GPR33: variants seen among roughly 807,000 people sequenced by gnomAD.
The protein encoded by GPR33 is G protein-coupled receptor 33, also known as probable G protein-coupled receptor 33.
GPR33 carries 4 observed loss-of-function variants against 3.1 expected under a neutral mutation model. The observed-to-expected ratio is 1.29, with a 90% CI of 0.64 to 2.96. GPR33 has a LOEUF of 2.96. Among genes scored for constraint, GPR33 ranks in the 30% most tolerant of loss-of-function variants. The probability of loss-of-function intolerance (pLI) is 0.01; values close to 1 mark genes in which losing one functional copy is unlikely to be tolerated. For synonymous variants in GPR33, 138 were observed against 142.0 expected (o/e 0.97, Z 0.20); for missense variants, 390 against 388.9 (o/e 1.00, Z -0.02).
intron 1 of GPR33, among the ~76,000 whole-genome samples, chr14:31,485,016 A>G (rs116009228): frequency 1.3e-5 from 2 of 151,868 alleles, no homozygotes; most frequent in Non-Finnish European, 2.9e-5. Flanking sequence ...GCTTACTGCA[A>G]ACTCTGCTTC....
rs1004120202 is a variant in GPR33 at position 31,483,957 on chromosome 14, C to G, written c.9G>C (p.Leu3=). Residue 3 remains leucine, a synonymous_variant, in exon 2 of 2, where the codon CTG becomes CTC. Transcript: ENST00000399285. ...TGATCAGGTAATCAGTAGAGTTGAT[C>G]AGATCCATAATGACCTGTGGAGTGA... MD[L]INSTDYLINA... 5 of 1,533,240 alleles carry G rather than the reference C, an allele frequency of 3.3e-6. No homozygotes were observed. In the Admixed American group the frequency reaches 7.9e-5, roughly 24 times the overall value. The allele number at this position is 1,533,240 out of a possible 1,614,324, so 95.0% of individuals were successfully genotyped here. A position where few individuals can be genotyped will look rare whatever the true frequency, so the allele number is the denominator to read the frequency against.
intron 1 of GPR33, 68 bp from the exon 2 acceptor site, chr14:31,484,039 T>G: frequency 1.5e-6 from 2 of 1,300,254 alleles, no homozygotes; most frequent in Non-Finnish European, 2.0e-6. Context: ...TGTAAAAATT[T>G]AAAGAGTAAT....
At position 31,485,637 on chromosome 14, in the gene GPR33, CAA is replaced by C. The variant is rs34013315; in HGVS notation, c.-6-1668_-6-1667del. On this transcript the variant is annotated intron_variant, in intron 1 of 1. Transcript: ENST00000399285. Reference sequence around the variant, plus strand: ...CTGGTGACAGAGCGAGACTCTGTCTCAAAAAAAAAAAAAAAAAATTCTGTTTT... The same window carrying C: ...CTGGTGACAGAGCGAGACTCTGTCTCAAAAAAAAAAAAAAAATTCTGTTTT... Among the ~76,000 whole-genome samples, 334 of 113,184 alleles carry C rather than the reference CAA, an allele frequency of 3.0e-3. 1 individual carries two copies. The highest frequency in any genetic ancestry group is 0.011 in the East Asian group (40 of 3,734). The allele number at this position is 113,184 out of a possible 152,430, so 74.3% of individuals were successfully genotyped here.
chr14:31,485,358 G>A lies in GPR33; in HGVS notation c.-6-1387C>T, dbSNP rs1290740598. 3.3e-5 allele frequency among the ~76,000 whole-genome samples: 5 copies of A among 151,716 alleles called. No individual in the cohort carries two copies. In the South Asian group the frequency reaches 8.4e-4, roughly 25 times the overall value. On this transcript the variant is annotated intron_variant, in intron 1 of 1. Transcript: ENST00000399285. Reference sequence around the variant, plus strand: ...CTTTCTATAAAAATCATTTCTGGCCGGGCGCGGTGGCTCATGCCTGTAATT... The same window carrying A: ...CTTTCTATAAAAATCATTTCTGGCCAGGCGCGGTGGCTCATGCCTGTAATT...
rs1487702277 is a variant in GPR33, at chr14:31,483,094, T to C, written c.872A>G (p.Asn291Ser). 1 of 1,536,076 alleles carries C rather than the reference T, an allele frequency of 6.5e-7. No individual in the cohort carries two copies. Among genetic ancestry groups the C allele is most frequent in the East Asian group, 2.4e-5 (1 of 40,916 alleles). Residue 291 changes from asparagine (N) to serine (S), a missense_variant, in exon 2 of 2, where the codon AAT becomes AGT. Physicochemically the swap from Asn to Ser is conservative, Grantham distance 46. Transcript: ENST00000399285. ...LILTVLTTSF[N>S]TIFSPTLYLF... ...GTAGAGTGTGGGAGAAAAGATAGTA[T>C]TGAAAGAAGTGGTTAGCACTGTAAG...
In GPR33 at chr14:31,486,346, A is replaced by T. The variant is rs1124860; in HGVS notation, c.-7+1551T>A. Among the ~76,000 whole-genome samples the T allele has an allele frequency of 3.7e-3, 562 of 152,060 alleles. 15 individuals are homozygous for T. The East Asian group carries it at 0.057, about 15-fold the overall frequency. On this transcript the variant is annotated intron_variant, in intron 1 of 1. Coordinates refer to ENST00000399285, the MANE Select transcript of GPR33 (RefSeq NM_001197184.3). Reference sequence around the variant, plus strand: ...ACTCCTGGCCTAAAGTGATCCTCCCACCTCAGCCTCCCAAAGTGCTAGGAT... The same window carrying T: ...ACTCCTGGCCTAAAGTGATCCTCCCTCCTCAGCCTCCCAAAGTGCTAGGAT...
intron 1 of GPR33, among the ~76,000 whole-genome samples, chr14:31,487,695 C>T (rs2032435568): frequency 6.6e-6 from 1 of 152,096 alleles, no homozygotes; most frequent in South Asian, 2.1e-4. Flanking sequence ...GCCTCAGCCT[C>T]CCAAAGTGCT....
Position 31,483,477 on chromosome 14 carries a change from A to G in GPR33, c.489T>C (p.Tyr163=). 1.1e-5 allele frequency: 17 copies of G among 1,536,162 alleles called. No individual in the cohort carries two copies. The highest frequency in any genetic ancestry group is 1.5e-5 in the Non-Finnish European group (17 of 1,146,910). Reference sequence around the variant, plus strand: ...CATGATGTGTCTCTCTGAAAATCAAATAGGGGATGCTGAGGGCAGCGGCTG... The same window carrying G: ...CATGATGTGTCTCTCTGAAAATCAAGTAGGGGATGCTGAGGGCAGCGGCTG... ...WISAAALSIP[Y]LIFRETHHDR... Residue 163 remains tyrosine (Y), a synonymous_variant, in exon 2 of 2, where the codon TAT becomes TAC. Coordinates refer to ENST00000399285, the MANE Select transcript of GPR33 (RefSeq NM_001197184.3).
At chr14:31,487,436 T>TTTG (rs1356791266) in intron 1 of GPR33, among the ~76,000 whole-genome samples, 2 of 126,650 alleles carry the variant, frequency 1.6e-5, no homozygotes, top group African/African-American at 3.2e-5. Flanking sequence ...CCCTCAGTTT[T>TTTG]TTTTTTTTTT....
intron 1 of GPR33, among the ~76,000 whole-genome samples, chr14:31,485,179 A>G (rs978816310): frequency 6.6e-6 from 1 of 151,480 alleles, no homozygotes; most frequent in Non-Finnish European, 1.5e-5. Context: ...CAGGTAATCC[A>G]TCCACCTTGG....
chr14:31,483,333 C>G lies in GPR33; in HGVS notation c.633G>C (p.Leu211Phe), dbSNP rs1419635495. The part of the protein sequence containing the change: ...IHVACFISRF[L>F]LGFLLPFFII... Reference sequence around the variant, plus strand: ...TGAAGAAAGGCAGAAGAAAGCCCAGCAAGAAGCGGCTGATGAAACAGGCCA... The same window carrying G: ...TGAAGAAAGGCAGAAGAAAGCCCAGGAAGAAGCGGCTGATGAAACAGGCCA... Residue 211 changes from leucine to phenylalanine, a missense_variant, in exon 2 of 2, where the codon TTG becomes TTC. By Grantham distance (22) the Leu-to-Phe change is conservative. Coordinates refer to ENST00000399285, the MANE Select transcript of GPR33 (RefSeq NM_001197184.3). The G allele has an allele frequency of 7.8e-6, 12 of 1,536,024 alleles. No individual in the cohort carries two copies. Among genetic ancestry groups the G allele is most frequent in the African/African-American group, 1.4e-5 (1 of 73,044 alleles).
At chr14:31,485,462 C>T (rs913139000) in intron 1 of GPR33, among the ~76,000 whole-genome samples, 1 of 151,146 alleles carries the variant, frequency 6.6e-6, no homozygotes, top group Non-Finnish European at 1.5e-5. Context: ...GGTGAAACCC[C>T]GTCTCTACCA....
chr14:31,483,976 G>T lies in GPR33; in HGVS notation c.-6-5C>A. The T allele has an allele frequency of 6.7e-7, 1 of 1,496,844 alleles. No homozygotes were observed. Among genetic ancestry groups the T allele is most frequent in the Non-Finnish European group, 8.8e-7 (1 of 1,130,256 alleles). 92.7% of individuals were successfully genotyped at this position (1,496,844 alleles called of 1,614,324 possible). On this transcript the variant is annotated splice_polypyrimidine_tract_variant and splice_region_variant and intron_variant, in intron 1 of 1. Coordinates refer to ENST00000399285, the MANE Select transcript of GPR33 (RefSeq NM_001197184.3). ...GTTGATCAGATCCATAATGACCTGT[G>T]GAGTGAGAAACAGTGAAAATAACAA...
In GPR33 at chr14:31,483,087, G is replaced by T. The variant is rs183891636; in HGVS notation, c.879C>A (p.Ile293=). ...LTVLTTSFNT[I]FSPTLYLFVG... ...CAAATAAGTAGAGTGTGGGAGAAAA[G>T]ATAGTATTGAAAGAAGTGGTTAGCA... is the stretch of plus-strand genomic sequence containing the variant. Residue 293 remains isoleucine (I), a synonymous_variant, in exon 2 of 2, where the codon ATC becomes ATA. Coordinates refer to ENST00000399285, the MANE Select transcript of GPR33 (RefSeq NM_001197184.3). The T allele has an allele frequency of 9.8e-6, 15 of 1,536,106 alleles. No homozygotes were observed. In the East Asian group the frequency reaches 3.7e-4, roughly 38 times the overall value.
At chr14:31,485,125 A>G (rs2032405233) in intron 1 of GPR33, among the ~76,000 whole-genome samples, 2 of 151,516 alleles carry the variant, frequency 1.3e-5, no homozygotes. Flanking sequence ...TGGTAGAGAG[A>G]GGGTTTTGCC....
chr14:31,486,417 T>A (rs903037872), intron 1 of GPR33, among the ~76,000 whole-genome samples: 1 of 152,184 alleles, frequency 6.6e-6, no homozygotes, highest in Non-Finnish European at 1.5e-5. Flanking sequence ...TATTCAAAAA[T>A]CACAACTTCC....
At chr14:31,487,811 G>T in intron 1 of GPR33, 86 bp downstream of exon 1, 1 of 152,452 alleles carries the variant, frequency 6.6e-6, no homozygotes, top group South Asian at 2.1e-4. Context: ...GGCCACAGGA[G>T]CATCGGGAAG....
Position 31,483,461 on chromosome 14 carries a change from T to G in GPR33, c.505A>C (p.Thr169Pro). 6.5e-7 allele frequency: 1 copy of G among 1,536,140 alleles called. No individual in the cohort carries two copies. The highest frequency in any genetic ancestry group is 8.7e-7 in the Non-Finnish European group (1 of 1,146,914). ...LSIPYLIFRETHHDRKGKVTC... is the reference protein window; with the variant it reads ...LSIPYLIFREPHHDRKGKVTC... ...ACCTTTCCTTTACGGTCATGATGTGTCTCTCTGAAAATCAAATAGGGGATG... is the reference window on the plus strand; with the variant it reads ...ACCTTTCCTTTACGGTCATGATGTGGCTCTCTGAAAATCAAATAGGGGATG... The change falls in exon 2 of 2, where the codon ACA becomes CCA. Residue 169 changes from threonine (T) to proline (P), a missense_variant. Thr to Pro is a conservative substitution (Grantham distance 38). Coordinates refer to ENST00000399285, the MANE Select transcript of GPR33 (RefSeq NM_001197184.3).
chr14:31,486,822 A>G (rs2032424136), intron 1 of GPR33, among the ~76,000 whole-genome samples: 1 of 152,182 alleles, frequency 6.6e-6, no homozygotes, highest in Non-Finnish European at 1.5e-5. Context: ...CCTTTTCCCC[A>G]TTAACCCTCA....
Sources: allele counts gnomAD v4.1 joint callset (sites outside exome capture counted in the v4.1 genomes callset), GRCh38; gene constraint gnomAD v4.1.1; transcripts MANE v1.5; gene names NCBI Gene and HGNC (gene_info 2026-07-23, HGNC 2026-07-21).